KCTD8: variants seen among roughly 807,000 people sequenced by gnomAD.
The protein encoded by KCTD8 is potassium channel tetramerization domain containing 8.
Under a neutral mutation model 31.5 loss-of-function variants are expected in KCTD8, and 27 were observed. The ratio of observed to expected loss-of-function variants is 0.86; its 90% confidence interval spans 0.63 to 1.18. The LOEUF (loss-of-function observed/expected upper bound fraction) is 1.18, where lower values mean the gene tolerates loss of function less well. KCTD8 is among the 50% of genes most tolerant of loss of function. The pLI, the probability that KCTD8 is intolerant of heterozygous loss-of-function variation, is 0.00. For synonymous variants in KCTD8, 290 were observed against 280.0 expected, an observed-to-expected ratio of 1.04 and a Z score of -0.36; for missense variants, 658 against 647.7, an observed-to-expected ratio of 1.02 and a Z score of -0.17.
chr4:44,250,066 T>C lies in KCTD8; in HGVS notation c.962-74816A>G, dbSNP rs1173900967. ...TATCACTCAACATCATTTGTGCTTT[T>C]TAAAAAAATTCTAACAGCATGGCTC... On this transcript the variant is annotated intron_variant, in intron 1 of 1. Coordinates refer to ENST00000360029, the MANE Select transcript of KCTD8 (RefSeq NM_198353.3). Among the ~76,000 whole-genome samples the C allele has an allele frequency of 2.0e-5, 3 of 151,778 alleles. No individual in the cohort carries two copies. The East Asian group carries it at 5.8e-4, about 29-fold the overall frequency.
chr4:44,390,127 C>T (rs543630250), intron 1 of KCTD8, among the ~76,000 whole-genome samples: 79 of 152,074 alleles, frequency 5.2e-4, no homozygotes, highest in African/African-American at 1.7e-3. Flanking sequence ...TGTGCAGAAG[C>T]ATTTTAGTTT....
intron 1 of KCTD8, among the ~76,000 whole-genome samples, chr4:44,283,030 TA>T (rs1553898522): frequency 2.0e-5 from 1 of 49,716 alleles, no homozygotes; most frequent in Non-Finnish European, 5.8e-5. Context: ...CACATTTTAT[TA>T]TTATTATTAT....
chr4:44,342,634 G>C (rs1718933163), intron 1 of KCTD8, among the ~76,000 whole-genome samples: 1 of 152,140 alleles, frequency 6.6e-6, no homozygotes, highest in African/African-American at 2.4e-5. Context: ...TTTTAAGCCA[G>C]GTATTTACTT....
chr4:44,303,077 T>C (rs1466556438), intron 1 of KCTD8, among the ~76,000 whole-genome samples: 1 of 152,168 alleles, frequency 6.6e-6, no homozygotes, highest in East Asian at 1.9e-4. Flanking sequence ...GCCCACTTGA[T>C]CAGGGTGGAT....
At chr4:44,424,829 A>G (rs1721306263) in intron 1 of KCTD8, among the ~76,000 whole-genome samples, 1 of 152,100 alleles carries the variant, frequency 6.6e-6, no homozygotes. Context: ...CTTTGCTGTT[A>G]CCCAGTTCTC....
intron 1 of KCTD8, among the ~76,000 whole-genome samples, chr4:44,272,162 T>C (rs545913104): frequency 6.7e-6 from 1 of 148,856 alleles, no homozygotes; most frequent in South Asian, 2.1e-4. Context: ...CATAAGTAAC[T>C]GCTGTTTTTC....
chr4:44,288,207 G>C (rs1189200728), intron 1 of KCTD8, among the ~76,000 whole-genome samples: 1 of 152,162 alleles, frequency 6.6e-6, no homozygotes, highest in East Asian at 1.9e-4. Context: ...ATTAACATTA[G>C]AAGAAGTTGA....
chr4:44,224,169 C>T (rs971275082), intron 1 of KCTD8, among the ~76,000 whole-genome samples: 10 of 152,158 alleles, frequency 6.6e-5, no homozygotes, highest in Admixed American at 6.5e-5. Context: ...ATATAACATC[C>T]AAGCTCACAA....
At chr4:44,298,406 G>GCCCCCC (rs140926683) in intron 1 of KCTD8, among the ~76,000 whole-genome samples, 1 of 149,744 alleles carries the variant, frequency 6.7e-6, no homozygotes, top group African/African-American at 2.4e-5. Context: ...CTAATGATCT[G>GCCCCCC]CCCCCCCCAC....
intron 1 of KCTD8, among the ~76,000 whole-genome samples, chr4:44,319,460 G>GT (rs1039096154): frequency 6.8e-6 from 1 of 146,996 alleles, no homozygotes; most frequent in Non-Finnish European, 1.5e-5. Context: ...TACCCCTGTG[G>GT]TAAAAAAAAA....
chr4:44,230,562 T>C (rs1218532832), intron 1 of KCTD8, among the ~76,000 whole-genome samples: 1 of 152,232 alleles, frequency 6.6e-6, no homozygotes, highest in Non-Finnish European at 1.5e-5. Flanking sequence ...AGTAGTATTA[T>C]TTACAAGGTA....
intron 1 of KCTD8, among the ~76,000 whole-genome samples, chr4:44,278,782 C>G (rs1716819543): frequency 6.6e-6 from 1 of 152,044 alleles, no homozygotes; most frequent in African/African-American, 2.4e-5. Context: ...ACCTCTCAAC[C>G]ATGACTCAAA....
intron 1 of KCTD8, among the ~76,000 whole-genome samples, chr4:44,203,842 C>T (rs2109340441): frequency 6.6e-6 from 1 of 150,946 alleles, no homozygotes; most frequent in South Asian, 2.1e-4. Context: ...TAATAATGTT[C>T]TGAAATATAT....
chr4:44,411,887 G>T lies in KCTD8; in HGVS notation c.961+35676C>A, dbSNP rs577930939. On this transcript the variant is annotated intron_variant, in intron 1 of 1. Transcript: ENST00000360029. ...TATTCAGGGTCTCAGAAAGAACAAG[G>T]CCCTGCTTGACTACTAGATTTTGGA... Among the ~76,000 whole-genome samples the T allele has an allele frequency of 2.0e-5, 3 of 152,006 alleles. No individual in the cohort carries two copies. The South Asian group carries it at 6.2e-4, about 32-fold the overall frequency.
At chr4:44,442,317 C>A (rs747599573) in intron 1 of KCTD8, among the ~76,000 whole-genome samples, 9 of 151,946 alleles carry the variant, frequency 5.9e-5, no homozygotes, top group Non-Finnish European at 1.0e-4. Flanking sequence ...ACAGGTATGG[C>A]AGCTCACGCC....
At chr4:44,249,273 A>G (rs547281347) in intron 1 of KCTD8, among the ~76,000 whole-genome samples, 1 of 151,976 alleles carries the variant, frequency 6.6e-6, no homozygotes, top group South Asian at 2.1e-4. Flanking sequence ...TGACTTTCAC[A>G]TTTCAAAGAA....
intron 1 of KCTD8, among the ~76,000 whole-genome samples, chr4:44,193,006 G>C (rs752547463): frequency 2.0e-5 from 3 of 152,114 alleles, no homozygotes; most frequent in Non-Finnish European, 4.4e-5. Flanking sequence ...CCCTGTGATC[G>C]TGTGAGATAA....
At chr4:44,205,729 G>A (rs1247184875) in intron 1 of KCTD8, among the ~76,000 whole-genome samples, 1 of 152,164 alleles carries the variant, frequency 6.6e-6, no homozygotes, top group Non-Finnish European at 1.5e-5. Flanking sequence ...CATAAACAAA[G>A]CAGTCAGGCT....
chr4:44,435,865 C>A (rs529534220), intron 1 of KCTD8, among the ~76,000 whole-genome samples: 2 of 152,146 alleles, frequency 1.3e-5, no homozygotes, highest in East Asian at 3.9e-4. Context: ...GTTGTCCTCC[C>A]ACTGTGAAAA....
Sources: gnomAD v4.1 joint callset for allele counts (sites outside exome capture counted in the v4.1 genomes callset) on GRCh38, gnomAD v4.1.1 for gene constraint, MANE v1.5 for transcripts, NCBI Gene and HGNC (gene_info 2026-07-23, HGNC 2026-07-21) for gene names.